Variants in HMGCLL1 observed in about 807,000 individuals in gnomAD.
HMGCLL1 encodes 3-hydroxy-3-methylglutaryl-CoA lyase like 1.
Under a neutral mutation model 39.1 loss-of-function variants are expected in HMGCLL1, and 36 were observed. The ratio of observed to expected loss-of-function variants is 0.92; its 90% CI spans 0.71 to 1.22. The LOEUF (loss-of-function observed/expected upper bound fraction) is 1.22. Ranked by LOEUF, HMGCLL1 falls within the 50% of genes most tolerant of loss-of-function variation. The probability of loss-of-function intolerance (pLI) is 0.00; values close to 1 mark genes in which losing one functional copy is unlikely to be tolerated. For missense variants in HMGCLL1, 451 were observed against 416.5 expected, an observed-to-expected ratio of 1.08 and a Z score of -0.72; for synonymous variants, 149 against 144.0, an observed-to-expected ratio of 1.03 and a Z score of -0.25.
At chr6:55,623,478 T>G in the HMGCLL1 span, among the ~76,000 whole-genome samples, 4 of 151,820 alleles carry the variant, frequency 2.6e-5, no homozygotes, top group Non-Finnish European at 5.9e-5. Context: ...AATTTTAAAA[T>G]TTCTTTCTTA....
rs562548944 is a variant in HMGCLL1, at chr6:55,516,656, G to A, written c.298-53C>T. The A allele has an allele frequency of 4.1e-6, 5 of 1,217,292 alleles. No individual in the cohort carries two copies. The South Asian group carries it at 5.7e-5, about 14-fold the overall frequency. 75.4% of individuals were successfully genotyped at this position (1,217,292 alleles called of 1,614,324 possible). On this transcript the variant is annotated intron_variant, in intron 3 of 8. Transcript: ENST00000274901. ...TGTGTAACTTCGAATATGTTACCGA[G>A]AATCATTTTAGTTTCAGGTAGGTTA...
At chr6:55,632,317 G>A in the HMGCLL1 span, among the ~76,000 whole-genome samples, 1 of 151,688 alleles carries the variant, frequency 6.6e-6, no homozygotes, top group African/African-American at 2.4e-5. Context: ...AGAGGAAATG[G>A]AGAATAATAC....
chr6:55,483,371 T>A (rs1046385511), intron 7 of HMGCLL1, among the ~76,000 whole-genome samples: 5 of 152,152 alleles, frequency 3.3e-5, no homozygotes, highest in Non-Finnish European at 7.4e-5. Context: ...GTTCAAGCAA[T>A]TCTCCTGCCT....
At chr6:55,647,734 T>TTC in the HMGCLL1 span, among the ~76,000 whole-genome samples, 3 of 50,286 alleles carry the variant, frequency 6.0e-5, 1 homozygote, top group Non-Finnish European at 1.3e-4. Flanking sequence ...TCTTCATGTC[T>TTC]TTTTTTTTTC....
chr6:55,578,302 A>C (rs1186375431), intron 1 of HMGCLL1, among the ~76,000 whole-genome samples: 3 of 152,154 alleles, frequency 2.0e-5, no homozygotes, highest in Admixed American at 2.0e-4. Flanking sequence ...TTCTTTATTT[A>C]TCTGACACTG....
chr6:55,611,932 A>T, the HMGCLL1 span, among the ~76,000 whole-genome samples: 1 of 152,158 alleles, frequency 6.6e-6, no homozygotes, highest in African/African-American at 2.4e-5. Context: ...CCTATTCAAC[A>T]TAGTATTGGA....
intron 7 of HMGCLL1, among the ~76,000 whole-genome samples, chr6:55,460,455 T>C (rs1399227172): frequency 6.6e-6 from 1 of 151,916 alleles, no homozygotes; most frequent in Non-Finnish European, 1.5e-5. Flanking sequence ...AATCATACTT[T>C]ATCTGTTTTT....
chr6:55,504,483 A>T (rs911558736), intron 5 of HMGCLL1, among the ~76,000 whole-genome samples: 1 of 151,634 alleles, frequency 6.6e-6, no homozygotes, highest in Non-Finnish European at 1.5e-5. Context: ...AGTTATGCTG[A>T]ATTTTCATTT....
chr6:55,503,284 A>G (rs907371059), intron 5 of HMGCLL1, among the ~76,000 whole-genome samples: 1 of 151,862 alleles, frequency 6.6e-6, no homozygotes, highest in African/African-American at 2.4e-5. Context: ...ATGACTTTGC[A>G]TTGGCAAAGA....
intron 7 of HMGCLL1, among the ~76,000 whole-genome samples, chr6:55,457,289 C>T (rs1764365666): frequency 1.3e-5 from 2 of 152,138 alleles, no homozygotes; most frequent in African/African-American, 4.8e-5. Flanking sequence ...GCCAATTTCA[C>T]CAGAAAGTTC....
intron 8 of HMGCLL1, among the ~76,000 whole-genome samples, chr6:55,436,356 A>G (rs1269544042): frequency 6.6e-6 from 1 of 151,992 alleles, no homozygotes; most frequent in Non-Finnish European, 1.5e-5. Flanking sequence ...TTCGCCTGAG[A>G]GGTTGTACTG....
At chr6:55,653,349 T>G in the HMGCLL1 span, among the ~76,000 whole-genome samples, 1 of 151,946 alleles carries the variant, frequency 6.6e-6, no homozygotes, top group African/African-American at 2.4e-5. Flanking sequence ...TTTTAAGAAA[T>G]CACTTAAATT....
the HMGCLL1 span, among the ~76,000 whole-genome samples, chr6:55,630,898 AT>A: frequency 6.6e-6 from 1 of 151,964 alleles, no homozygotes; most frequent in Non-Finnish European, 1.5e-5. Flanking sequence ...AGTCTCGGGT[AT>A]TTTTTTATCA....
At chr6:55,530,086 T>TGGGGGGGGGGGGC (rs1768573558) in intron 3 of HMGCLL1, among the ~76,000 whole-genome samples, 1 of 147,388 alleles carries the variant, frequency 6.8e-6, no homozygotes, top group Non-Finnish European at 1.5e-5. Flanking sequence ...GGGGGCGGGG[T>TGGGGGGGGGGGGC]GTGGATGACT....
the HMGCLL1 span, among the ~76,000 whole-genome samples, chr6:55,650,090 CATATATATATATATATATAT>C: frequency 1.7e-3 from 91 of 52,232 alleles, no homozygotes; most frequent in East Asian, 0.038. Context: ...CACACATATA[CATATATATATATATATATAT>C]ATATATATAT....
chr6:55,565,275 A>G (rs2127472866), intron 1 of HMGCLL1, among the ~76,000 whole-genome samples: 1 of 152,144 alleles, frequency 6.6e-6, no homozygotes, highest in South Asian at 2.1e-4. Context: ...GAAAGTGAGA[A>G]TAACAGGATC....
chr6:55,677,567 C>T, the HMGCLL1 span, among the ~76,000 whole-genome samples: 2 of 152,016 alleles, frequency 1.3e-5, no homozygotes, highest in Non-Finnish European at 2.9e-5. Context: ...TTTAAGATTC[C>T]TTGGTTTGGG....
chr6:55,543,453 A>G (rs1481476906), intron 1 of HMGCLL1, among the ~76,000 whole-genome samples: 1 of 11,992 alleles, frequency 8.3e-5, no homozygotes, highest in South Asian at 2.5e-3. Context: ...GATATATATG[A>G]TATATATCAT....
intron 7 of HMGCLL1, among the ~76,000 whole-genome samples, chr6:55,442,793 G>A (rs9357862): frequency 0.11 from 17,152 of 152,132 alleles, 1,126 homozygotes; most frequent in East Asian, 0.2. Context: ...CATTTACTAT[G>A]AATCAAAGCA....
Sources: gnomAD v4.1 joint callset for allele counts (sites outside exome capture counted in the v4.1 genomes callset) on GRCh38, gnomAD v4.1.1 for gene constraint, MANE v1.5 for transcripts, NCBI Gene and HGNC (gene_info 2026-07-23, HGNC 2026-07-21) for gene names.